The following TMCC1 variants were observed in gnomAD, a reference collection of about 807,000 sequenced individuals.
TMCC1 encodes transmembrane and coiled-coil domain family 1, also known as transmembrane and coiled-coil domains protein 1.
In TMCC1, 15 loss-of-function variants were observed where a neutral mutation model predicts 52.4. That is an observed-to-expected ratio of 0.29 (90% confidence interval 0.19 to 0.44). The LOEUF (loss-of-function observed/expected upper bound fraction) is 0.44. Ranked by LOEUF, TMCC1 falls within the 20% of genes least tolerant of loss-of-function variation. The pLI is 1.00. For synonymous variants in TMCC1, 279 were observed against 301.9 expected (o/e 0.92, Z 0.79); for missense variants, 503 against 806.0 (o/e 0.62, Z 4.55).
At chr3:129,736,762 C>A (rs183727625) in intron 4 of TMCC1, among the ~76,000 whole-genome samples, 7 of 152,036 alleles carry the variant, frequency 4.6e-5, no homozygotes, top group Non-Finnish European at 8.8e-5. Flanking sequence ...CCTCATGATC[C>A]ACCTGGCTCA....
At chr3:129,725,528 TA>T (rs2050005413) in intron 4 of TMCC1, among the ~76,000 whole-genome samples, 1 of 152,124 alleles carries the variant, frequency 6.6e-6, no homozygotes, top group Non-Finnish European at 1.5e-5. Flanking sequence ...AAAGTCATTA[TA>T]GAAATAGAAA....
intron 4 of TMCC1, among the ~76,000 whole-genome samples, chr3:129,819,421 C>T (rs775307893): frequency 1.3e-4 from 20 of 152,146 alleles, no homozygotes; most frequent in Non-Finnish European, 2.6e-4. Context: ...AAGTTCTCTA[C>T]AAAAAGTCTT....
chr3:129,815,494 T>G (rs2058052662), intron 4 of TMCC1, among the ~76,000 whole-genome samples: 1 of 151,942 alleles, frequency 6.6e-6, no homozygotes, highest in South Asian at 2.1e-4. Flanking sequence ...GAACATACAA[T>G]GGGGTAAGAA....
At chr3:129,718,637 G>C (rs1389545868) in intron 4 of TMCC1, among the ~76,000 whole-genome samples, 1 of 152,178 alleles carries the variant, frequency 6.6e-6, no homozygotes, top group Non-Finnish European at 1.5e-5. Flanking sequence ...TGCTGCTGCG[G>C]TTGCCTGCCA....
intron 4 of TMCC1, among the ~76,000 whole-genome samples, chr3:129,707,669 C>G (rs1053327395): frequency 6.6e-6 from 1 of 152,146 alleles, no homozygotes; most frequent in Non-Finnish European, 1.5e-5. Flanking sequence ...CGTGGTGGCT[C>G]ACGCCTGTAA....
chr3:129,893,474 G>C lies in TMCC1; in HGVS notation c.-435+20C>G, dbSNP rs1345598534. 6.6e-6 allele frequency: 1 copy of C among 152,048 alleles called. No individual in the cohort carries two copies. Among genetic ancestry groups the C allele is most frequent in the Non-Finnish European group, 1.5e-5 (1 of 68,084 alleles). The allele number at this position is 152,048 out of a possible 1,614,324, so 9.4% of individuals were successfully genotyped here. A position where few individuals can be genotyped will look rare whatever the true frequency, so the allele number is the denominator to read the frequency against. On this transcript the variant is annotated intron_variant, in intron 1 of 6. Coordinates refer to ENST00000393238, the MANE Select transcript of TMCC1 (RefSeq NM_001017395.5). ...GGGCCGCGACCGCCGCCAGCGTCCGGGGCGGGGGCGCTCACTCACCGGCGG... is the reference window on the plus strand; with the variant it reads ...GGGCCGCGACCGCCGCCAGCGTCCGCGGCGGGGGCGCTCACTCACCGGCGG...
intron 4 of TMCC1, among the ~76,000 whole-genome samples, chr3:129,707,528 G>A (rs2048336631): frequency 1.3e-5 from 2 of 152,202 alleles, no homozygotes; most frequent in African/African-American, 4.8e-5. Flanking sequence ...GTTTGCTACT[G>A]ACTTTGGCAG....
At chr3:129,654,745 T>A (rs1327223164) in intron 6 of TMCC1, among the ~76,000 whole-genome samples, 1 of 152,186 alleles carries the variant, frequency 6.6e-6, no homozygotes, top group East Asian at 1.9e-4. Flanking sequence ...ATTACTGTGA[T>A]CCTAAGAAAC....
intron 4 of TMCC1, among the ~76,000 whole-genome samples, chr3:129,774,984 G>C (rs2054911082): frequency 1.3e-5 from 2 of 152,150 alleles, no homozygotes; most frequent in South Asian, 4.1e-4. Context: ...GAATTAGACA[G>C]GGGGGATAAT....
chr3:129,675,942 C>G (rs892668537), intron 4 of TMCC1, among the ~76,000 whole-genome samples: 12 of 146,272 alleles, frequency 8.2e-5, no homozygotes, highest in Admixed American at 2.2e-4. Flanking sequence ...GAGGCTGAGG[C>G]AGGAGAATGG....
chr3:129,824,391 ATAT>A (rs2058565385), intron 4 of TMCC1, among the ~76,000 whole-genome samples: 1 of 152,158 alleles, frequency 6.6e-6, no homozygotes, highest in African/African-American at 2.4e-5. Context: ...CATCCCTATG[ATAT>A]TACACTTTGC....
intron 2 of TMCC1, among the ~76,000 whole-genome samples, chr3:129,854,381 C>G (rs762817205): frequency 4.5e-5 from 5 of 110,086 alleles, no homozygotes; most frequent in Non-Finnish European, 9.0e-5. Context: ...CAGTGAGACT[C>G]TGTGTCAAAA....
chr3:129,658,463 G>C (rs982025675), intron 5 of TMCC1, among the ~76,000 whole-genome samples: 1 of 152,070 alleles, frequency 6.6e-6, no homozygotes, highest in Admixed American at 6.5e-5. Flanking sequence ...TGTTAGCCAG[G>C]GACTGTCTGT....
chr3:129,837,863 T>G (rs1169583822), intron 2 of TMCC1, among the ~76,000 whole-genome samples: 1 of 152,072 alleles, frequency 6.6e-6, no homozygotes, highest in Non-Finnish European at 1.5e-5. Flanking sequence ...AAAGACATAG[T>G]AATGACAAAT....
In TMCC1 at chr3:129,728,615, C is replaced by T. The variant is rs138015925; in HGVS notation, c.577-57351G>A. ...AAAGTTTTTAAAAAATTTCTTAACACCACAGAATTTACTTTTTACGTATGT... is the reference window on the plus strand; with the variant it reads ...AAAGTTTTTAAAAAATTTCTTAACATCACAGAATTTACTTTTTACGTATGT... On this transcript the variant is annotated intron_variant, in intron 4 of 6. Coordinates refer to ENST00000393238, the MANE Select transcript of TMCC1 (RefSeq NM_001017395.5). 3.9e-3 allele frequency among the ~76,000 whole-genome samples: 595 copies of T among 152,204 alleles called. 3 individuals carry two copies. The highest frequency in any genetic ancestry group is 0.013 in the African/African-American group (558 of 41,520).
At chr3:129,807,203 T>C (rs1192993450) in intron 4 of TMCC1, among the ~76,000 whole-genome samples, 1 of 152,112 alleles carries the variant, frequency 6.6e-6, no homozygotes, top group Non-Finnish European at 1.5e-5. Flanking sequence ...AATATATAAT[T>C]TAGGACAGGA....
rs986352985 is a variant in TMCC1, at chr3:129,883,802, C to T, written c.-434-3243G>A. Among the ~76,000 whole-genome samples the T allele has an allele frequency of 4.0e-5, 6 of 151,810 alleles. No individual in the cohort carries two copies. The South Asian group carries it at 1.2e-3, about 31-fold the overall frequency. The stretch of plus-strand genomic sequence containing the variant: ...AAGACTAGCCTGACCAACTTGGTTT[C>T]ACCAACATGGTGAAACAAGATGGTG... On this transcript the variant is annotated intron_variant, in intron 1 of 6. Coordinates refer to ENST00000393238, the MANE Select transcript of TMCC1 (RefSeq NM_001017395.5).
chr3:129,817,185 A>T (rs1280414042), intron 4 of TMCC1, among the ~76,000 whole-genome samples: 1 of 152,018 alleles, frequency 6.6e-6, no homozygotes. Context: ...AATTTAAATT[A>T]AAAAAAAGGC....
chr3:129,654,868 CTTTG>C, intron 6 of TMCC1, 96 bp downstream of exon 6: 1 of 1,494,184 alleles, frequency 6.7e-7, no homozygotes, highest in Non-Finnish European at 9.0e-7. Flanking sequence ...ATAAGCTTTT[CTTTG>C]TTCTCTACCT....
Sources: allele counts gnomAD v4.1 joint callset (sites outside exome capture counted in the v4.1 genomes callset), GRCh38; gene constraint gnomAD v4.1.1; transcripts MANE v1.5; gene names NCBI Gene and HGNC (gene_info 2026-07-23, HGNC 2026-07-21).